Variants in CD48 observed in about 807,000 individuals in gnomAD.
The protein encoded by CD48 is CD48 molecule.
Under a neutral mutation model 22.0 loss-of-function variants are expected in CD48, and 20 were observed. That is an observed-to-expected ratio of 0.91 (90% CI 0.64 to 1.32). The LOEUF (loss-of-function observed/expected upper bound fraction) is 1.32, where lower values mean the gene tolerates loss of function less well. Ranked by LOEUF, CD48 falls within the 40% of genes most tolerant of loss-of-function variation. CD48 has a pLI of 0.00. For missense variants in CD48, 307 were observed against 286.5 expected (o/e 1.07, Z -0.52); for synonymous variants, 110 against 110.1 (o/e 1.00, Z 0.01).
chr1:160,698,367 G>A (rs563288), intron 1 of CD48, among the ~76,000 whole-genome samples: 3 of 152,058 alleles, frequency 2.0e-5, no homozygotes, highest in East Asian at 1.9e-4. Flanking sequence ...ATATTAAAAG[G>A]CATTTTAAAT....
At position 160,681,318 on chromosome 1, in the gene CD48, C is replaced by T; in HGVS notation, c.536G>A (p.Ser179Asn). ...KRPFPKELQN[S>N]VLETTLMPHN... ...TGGCATAAGGGTGGTTTCAAGCACACTGTTCTGGAGCTCCTTTGGGAAGGG... is the reference window on the plus strand; with the variant it reads ...TGGCATAAGGGTGGTTTCAAGCACATTGTTCTGGAGCTCCTTTGGGAAGGG... The change falls in exon 3 of 4, where the codon AGT becomes AAT. Residue 179 changes from serine (S) to asparagine (N), a missense_variant. By Grantham distance (46) the Ser-to-Asn change is conservative (BLOSUM62 1). Coordinates refer to ENST00000368046, the MANE Select transcript of CD48 (RefSeq NM_001778.4). 2 of 1,614,204 alleles carry T rather than the reference C, an allele frequency of 1.2e-6. No individual in the cohort carries two copies. Among genetic ancestry groups the T allele is most frequent in the Non-Finnish European group, 1.7e-6 (2 of 1,180,032 alleles).
rs1661700041 is a variant in CD48, at chr1:160,678,806, A to T, written c.*246T>A. 1 of 383,472 alleles carries T rather than the reference A, an allele frequency of 2.6e-6. No homozygotes were observed. The highest frequency in any genetic ancestry group is 4.7e-6 in the Non-Finnish European group (1 of 214,014). The allele number at this position is 383,472 out of a possible 1,614,324, so 23.8% of individuals were successfully genotyped here. On this transcript the variant is annotated 3_prime_UTR_variant, in exon 4 of 4. Coordinates refer to ENST00000368046, the MANE Select transcript of CD48 (RefSeq NM_001778.4). Reference sequence around the variant, plus strand: ...TAAAAAATAATAAAACATTCACATAATGTTGTCACAATTTTGGGTGGGAAA... The same window carrying T: ...TAAAAAATAATAAAACATTCACATATTGTTGTCACAATTTTGGGTGGGAAA...
At chr1:160,681,117 G>T in intron 3 of CD48, 85 bp downstream of exon 3, 1 of 1,603,398 alleles carries the variant, frequency 6.2e-7, no homozygotes, top group Non-Finnish European at 8.5e-7. Flanking sequence ...TGTGCAAGGA[G>T]GCTGAATAGG....
chr1:160,703,507 A>G (rs1248942611), intron 1 of CD48, among the ~76,000 whole-genome samples: 1 of 152,164 alleles, frequency 6.6e-6, no homozygotes, highest in Non-Finnish European at 1.5e-5. Flanking sequence ...CCATTAGCTG[A>G]TGCTGGAGGT....
chr1:160,685,828 C>T (rs964973212), intron 1 of CD48, among the ~76,000 whole-genome samples: 2 of 152,126 alleles, frequency 1.3e-5, no homozygotes, highest in African/African-American at 2.4e-5. Flanking sequence ...GCAGAGCCTT[C>T]CTAATGAAGA....
At chr1:160,690,002 A>C (rs546103771) in intron 1 of CD48, among the ~76,000 whole-genome samples, 9 of 152,324 alleles carry the variant, frequency 5.9e-5, no homozygotes, top group African/African-American at 2.2e-4. Context: ...ATAATGCCAA[A>C]TGTAATTGGG....
intron 3 of CD48, among the ~76,000 whole-genome samples, chr1:160,680,258 C>G (rs1661745937): frequency 1.3e-5 from 2 of 152,272 alleles, no homozygotes; most frequent in South Asian, 4.1e-4. Flanking sequence ...TGGAGGGTAT[C>G]TGACTCTGGT....
intron 1 of CD48, among the ~76,000 whole-genome samples, chr1:160,705,474 AGGCTGTGG>A (rs1394940815): frequency 6.6e-6 from 1 of 152,238 alleles, no homozygotes; most frequent in African/African-American, 2.4e-5. Context: ...GAGAAGACAG[AGGCTGTGG>A]TCTAATTAAT....
At chr1:160,680,682 G>C (rs1661760024) in intron 3 of CD48, 1 of 1,012,876 alleles carries the variant, frequency 9.9e-7, no homozygotes, top group Non-Finnish European at 1.2e-6. Context: ...GGGAGGAGAA[G>C]CTTCGCCTGA....
intron 1 of CD48, among the ~76,000 whole-genome samples, chr1:160,704,660 T>A (rs1282368252): frequency 6.6e-6 from 1 of 152,240 alleles, no homozygotes. Flanking sequence ...TGCTATTTTT[T>A]ATGCTGTCAT....
At chr1:160,680,826 C>T in intron 3 of CD48, 3 of 1,220,724 alleles carry the variant, frequency 2.5e-6, no homozygotes, top group Non-Finnish European at 3.1e-6. Flanking sequence ...CTAATGAAGC[C>T]CCTCTAGACA....
At chr1:160,699,351 G>A (rs928009247) in intron 1 of CD48, 100 of 155,710 alleles carry the variant, frequency 6.4e-4, no homozygotes, top group Non-Finnish European at 9.6e-4. Flanking sequence ...GCGAAAGACC[G>A]CAGGGACCTC....
chr1:160,696,991 A>G (rs1662449861), intron 1 of CD48, among the ~76,000 whole-genome samples: 1 of 151,720 alleles, frequency 6.6e-6, no homozygotes, highest in African/African-American at 2.4e-5. Flanking sequence ...AATTAGTTAA[A>G]CAAAAAGAAG....
At position 160,701,309 on chromosome 1, in the gene CD48, T is replaced by A. The variant is rs144035217; in HGVS notation, c.82+10373A>T. The stretch of plus-strand genomic sequence containing the variant: ...GGTTACCATCCGCCATTTGCCTGAT[T>A]TCTTTTTTACTAGGAACACAGGAGA... On this transcript the variant is annotated intron_variant, in intron 1 of 3. Transcript: ENST00000368046. Among the ~76,000 whole-genome samples the A allele has an allele frequency of 8.0e-3, 1,207 of 150,714 alleles. 16 individuals carry two copies. Among genetic ancestry groups the A allele is most frequent in the African/African-American group, 0.028 (1,153 of 40,898 alleles).
intron 1 of CD48, among the ~76,000 whole-genome samples, chr1:160,685,914 T>C (rs1258610047): frequency 6.6e-6 from 1 of 152,180 alleles, no homozygotes; most frequent in Non-Finnish European, 1.5e-5. Context: ...AGAAATATGA[T>C]TGGACAAAAA....
intron 1 of CD48, among the ~76,000 whole-genome samples, chr1:160,691,439 C>G (rs1186623086): frequency 6.6e-6 from 1 of 152,184 alleles, no homozygotes. Context: ...GTATGCATAT[C>G]TAAAAGCACA....
chr1:160,689,543 A>ATGG (rs932081281), intron 1 of CD48, among the ~76,000 whole-genome samples: 10 of 152,204 alleles, frequency 6.6e-5, no homozygotes, highest in African/African-American at 2.4e-4. Flanking sequence ...GCTAATAGAA[A>ATGG]TGGTGAGATT....
intron 1 of CD48, among the ~76,000 whole-genome samples, chr1:160,696,408 T>G (rs1198609765): frequency 1.3e-5 from 2 of 152,284 alleles, no homozygotes; most frequent in Non-Finnish European, 2.9e-5. Flanking sequence ...ATATTACTCA[T>G]ATTCGAGCAC....
At chr1:160,687,164 A>G (rs893366016) in intron 1 of CD48, among the ~76,000 whole-genome samples, 7 of 151,972 alleles carry the variant, frequency 4.6e-5, no homozygotes, top group Non-Finnish European at 1.0e-4. Context: ...TATTTCTCCC[A>G]TTTGCTTTTG....
Sources: allele counts gnomAD v4.1 joint callset (sites outside exome capture counted in the v4.1 genomes callset), GRCh38; gene constraint gnomAD v4.1.1; transcripts MANE v1.5; gene names NCBI Gene and HGNC (gene_info 2026-07-23, HGNC 2026-07-21).